The following IRAG1 variants were observed in gnomAD, a reference collection of about 807,000 sequenced individuals.
IRAG1 encodes the protein inositol 1,4,5-triphosphate receptor associated 1.
In IRAG1, 62 loss-of-function variants were observed where a neutral mutation model predicts 106.2. That is an observed-to-expected ratio of 0.58 (90% CI 0.48 to 0.72). IRAG1 has a LOEUF of 0.72. Ranked by LOEUF, IRAG1 falls within the 30% of genes least tolerant of loss-of-function variation. IRAG1 has a pLI of 0.00. For missense variants in IRAG1, 1,064 were observed against 1,140.7 expected (o/e 0.93, Z 0.97); for synonymous variants, 462 against 443.9 (o/e 1.04, Z -0.51).
chr11:10,616,058 C>T (rs1199254071), intron 10 of IRAG1, among the ~76,000 whole-genome samples: 1 of 151,566 alleles, frequency 6.6e-6, no homozygotes, highest in Non-Finnish European at 1.5e-5. Context: ...GTAATCTCAG[C>T]CCTTTGGGAG....
At chr11:10,605,949 G>A (rs1394797671) in intron 12 of IRAG1, among the ~76,000 whole-genome samples, 1 of 152,168 alleles carries the variant, frequency 6.6e-6, no homozygotes, top group Non-Finnish European at 1.5e-5. Context: ...TAGAAACTTG[G>A]TGTGGTTATT....
chr11:10,691,327 CT>C (rs1862041423), intron 1 of IRAG1, among the ~76,000 whole-genome samples: 1 of 152,234 alleles, frequency 6.6e-6, no homozygotes, highest in Non-Finnish European at 1.5e-5. Flanking sequence ...GGTCTCCGCC[CT>C]TGCAGGGCTC....
chr11:10,657,896 T>C lies in IRAG1; in HGVS notation c.68-5714A>G, dbSNP rs527377209. Among the ~76,000 whole-genome samples, 1 of 152,302 alleles carries C rather than the reference T, an allele frequency of 6.6e-6. No homozygotes were observed. Among genetic ancestry groups the C allele is most frequent in the East Asian group, 1.9e-4 (1 of 5,184 alleles). ...GCAGGCATGTGACCAAGGCCACATC[T>C]ATGAGTGAGGGGCAGAGTCAGAAAA... On this transcript the variant is annotated intron_variant, in intron 1 of 20. Transcript: ENST00000423302. The surrounding 1 kb of genome is among the most constrained non-coding windows in gnomAD (Gnocchi z 4.1).
At chr11:10,606,630 C>G in intron 12 of IRAG1, 112 bp downstream of exon 12, 1 of 1,119,360 alleles carries the variant, frequency 8.9e-7, no homozygotes, top group Non-Finnish European at 1.3e-6. Flanking sequence ...CACAGTCACT[C>G]TTTCTCATTT....
At chr11:10,580,919 G>T (rs924883647) in intron 19 of IRAG1, among the ~76,000 whole-genome samples, 1 of 152,210 alleles carries the variant, frequency 6.6e-6, no homozygotes, top group East Asian at 1.9e-4. Context: ...CCATGTGACC[G>T]TGGAGCTTCA....
intron 1 of IRAG1, among the ~76,000 whole-genome samples, chr11:10,680,095 G>A (rs1261940859): frequency 6.6e-6 from 1 of 151,744 alleles, no homozygotes; most frequent in Non-Finnish European, 1.5e-5. Flanking sequence ...CCAACATGGT[G>A]AAACCTGTCT....
chr11:10,630,367 CTT>C lies in IRAG1; in HGVS notation c.401-658_401-657del, dbSNP rs55806146. Among the ~76,000 whole-genome samples the C allele has an allele frequency of 6.6e-3, 949 of 143,160 alleles. 9 individuals are homozygous for C. Among genetic ancestry groups the C allele is most frequent in the African/African-American group, 0.021 (832 of 39,356 alleles). 93.9% of individuals were successfully genotyped at this position (143,160 alleles called of 152,430 possible). A position where few individuals can be genotyped will look rare whatever the true frequency, so the allele number is the denominator to read the frequency against. ...TCATCTCCATTCTTGCTCATTAGCT[CTT>C]TTTTTTTTTTTTCTTTTTTTGAGAC... is the stretch of plus-strand genomic sequence containing the variant. On this transcript the variant is annotated intron_variant, in intron 4 of 20. Coordinates refer to ENST00000423302, the MANE Select transcript of IRAG1 (RefSeq NM_130385.4).
chr11:10,597,121 G>C (rs1369358343), intron 15 of IRAG1, among the ~76,000 whole-genome samples: 1 of 152,196 alleles, frequency 6.6e-6, no homozygotes, highest in Admixed American at 6.5e-5. Context: ...GCCTTGCCTT[G>C]TGACTTCAAG....
chr11:10,681,620 G>A (rs949299330), intron 1 of IRAG1, among the ~76,000 whole-genome samples: 1 of 152,200 alleles, frequency 6.6e-6, no homozygotes, highest in African/African-American at 2.4e-5. Flanking sequence ...CACAGATGAG[G>A]AAAATGAGGA....
intron 1 of IRAG1, among the ~76,000 whole-genome samples, chr11:10,662,952 G>A (rs1433976155): frequency 6.6e-6 from 1 of 152,218 alleles, no homozygotes; most frequent in East Asian, 1.9e-4. Context: ...GATGGCCTTG[G>A]TTCTTTCAGA....
intron 1 of IRAG1, among the ~76,000 whole-genome samples, chr11:10,677,663 G>GTGTA (rs1482786692): frequency 1.1e-4 from 17 of 152,160 alleles, no homozygotes. Flanking sequence ...ATTTTGAAGT[G>GTGTA]TACAATTCAG....
chr11:10,655,818 A>G (rs1858876841), intron 1 of IRAG1, among the ~76,000 whole-genome samples: 1 of 152,218 alleles, frequency 6.6e-6, no homozygotes, highest in Non-Finnish European at 1.5e-5. Flanking sequence ...TCCCTGTGAC[A>G]GAAAGCAGAA....
chr11:10,629,852 G>A (rs1856552105), intron 4 of IRAG1, 141 bp from the exon 5 acceptor site: 3 of 796,666 alleles, frequency 3.8e-6, no homozygotes, highest in South Asian at 3.7e-5. Flanking sequence ...CCATCAAGAG[G>A]GTTGCATGGG....
intron 15 of IRAG1, among the ~76,000 whole-genome samples, chr11:10,599,475 G>A (rs1853716224): frequency 6.6e-6 from 1 of 152,162 alleles, no homozygotes; most frequent in African/African-American, 2.4e-5. Flanking sequence ...AAAATGGTTA[G>A]AGGCCTAGGT....
chr11:10,605,868 T>C (rs1384988971), intron 12 of IRAG1, among the ~76,000 whole-genome samples: 1 of 152,250 alleles, frequency 6.6e-6, no homozygotes, highest in Non-Finnish European at 1.5e-5. Flanking sequence ...TTAACAGCAG[T>C]GTGACACAAT....
chr11:10,603,170 G>A lies in IRAG1; in HGVS notation c.1825C>T (p.Leu609=). The A allele has an allele frequency of 6.2e-7, 1 of 1,608,832 alleles. No homozygotes were observed. The highest frequency in any genetic ancestry group is 8.5e-7 in the Non-Finnish European group (1 of 1,177,718). ...LLEDIAVLHR[L]AARLSSRAEV... ...GCTCGGCTGGAGAGGCGGGCAGCCA[G>A]GCGGTGCAGGACAGCGATGTCCTCC... Residue 609 remains leucine (L), a synonymous_variant, in exon 14 of 21, where the codon CTG becomes TTG. Coordinates refer to ENST00000423302, the MANE Select transcript of IRAG1 (RefSeq NM_130385.4).
At chr11:10,685,684 T>C (rs895385543) in intron 1 of IRAG1, among the ~76,000 whole-genome samples, 8 of 149,472 alleles carry the variant, frequency 5.4e-5, no homozygotes, top group African/African-American at 1.7e-4. Context: ...ACTATACCAC[T>C]GCACTCCAGC....
At chr11:10,686,671 A>G (rs1861679744) in intron 1 of IRAG1, among the ~76,000 whole-genome samples, 1 of 151,892 alleles carries the variant, frequency 6.6e-6, no homozygotes, top group Admixed American at 6.6e-5. Flanking sequence ...TCCTGCAGCC[A>G]GGTCTATAGG....
intron 1 of IRAG1, 55 bp downstream of exon 1, chr11:10,693,481 C>T (rs978068552): frequency 5.9e-6 from 9 of 1,534,042 alleles, no homozygotes; most frequent in African/African-American, 1.4e-5. Flanking sequence ...AGAGAAGGTT[C>T]CCTCCGCTTC....
Sources: gnomAD v4.1 joint callset for allele counts (sites outside exome capture counted in the v4.1 genomes callset) on GRCh38, gnomAD v4.1.1 for gene constraint, Gnocchi (gnomAD v3.1) non-coding constraint, MANE v1.5 for transcripts, NCBI Gene and HGNC (gene_info 2026-07-23, HGNC 2026-07-21) for gene names.